TTC6: variants seen among roughly 807,000 people sequenced by gnomAD.
The protein encoded by TTC6 is tetratricopeptide repeat protein 6.
Under a neutral mutation model 210.4 loss-of-function variants are expected in TTC6, and 172 were observed. That is an observed-to-expected ratio of 0.82 (90% CI 0.72 to 0.93). The LOEUF is 0.93. TTC6 is among the 40% of genes least tolerant of loss of function. The pLI is 0.00. For synonymous variants in TTC6, 804 were observed against 819.6 expected, an observed-to-expected ratio of 0.98 and a Z score of 0.32; for missense variants, 2,414 against 2,318.1, an observed-to-expected ratio of 1.04 and a Z score of -0.85.
chr14:37,819,363 A>C (rs2096150202), intron 26 of TTC6, among the ~76,000 whole-genome samples: 1 of 152,244 alleles, frequency 6.6e-6, no homozygotes, highest in African/African-American at 2.4e-5. Flanking sequence ...CAGTAGGGAA[A>C]GTAAACATTT....
At chr14:37,779,925 A>G (rs1401009573) in intron 14 of TTC6, among the ~76,000 whole-genome samples, 1 of 152,192 alleles carries the variant, frequency 6.6e-6, no homozygotes, top group Non-Finnish European at 1.5e-5. Context: ...GTAGGTCTTT[A>G]TTATATTACA....
At chr14:37,787,626 A>G (rs1490777509) in exon 15 of TTC6, 1 of 1,474,152 alleles carries the variant, frequency 6.8e-7, no homozygotes, top group Admixed American at 2.1e-5. Flanking sequence ...CTACAGGATT[A>G]TAGTGTTTCA....
intron 1 of TTC6, among the ~76,000 whole-genome samples, chr14:37,596,760 ATCT>A (rs35237183): frequency 0.41 from 62,979 of 151,826 alleles, 13,668 homozygotes; most frequent in East Asian, 0.55. Context: ...AATCCGCAAA[ATCT>A]TCTTGTTTTG....
At chr14:37,811,375 C>G (rs1951643) in intron 24 of TTC6, among the ~76,000 whole-genome samples, 2,553 of 152,186 alleles carry the variant, frequency 0.017, 77 homozygotes, top group African/African-American at 0.058. Context: ...CCTATAGGAT[C>G]TTTAACTGCA....
chr14:37,672,556 A>C (rs947896336), intron 1 of TTC6, among the ~76,000 whole-genome samples: 1 of 152,210 alleles, frequency 6.6e-6, no homozygotes, highest in Non-Finnish European at 1.5e-5. Flanking sequence ...CTCACTCAAC[A>C]GTTGGTACAT....
At chr14:37,738,970 T>C (rs1365040965) in exon 10 of TTC6, 1 of 1,535,440 alleles carries the variant, frequency 6.5e-7, no homozygotes, top group East Asian at 2.4e-5. Flanking sequence ...ACATCTTTGA[T>C]AACATGTGCG....
intron 25 of TTC6, among the ~76,000 whole-genome samples, chr14:37,814,571 A>G (rs2096137227): frequency 6.6e-6 from 1 of 152,188 alleles, no homozygotes; most frequent in Non-Finnish European, 1.5e-5. Context: ...TAGTCAAAAT[A>G]CAACAATGAA....
chr14:37,637,512 G>T (rs1276152957), intron 1 of TTC6, among the ~76,000 whole-genome samples: 1 of 152,164 alleles, frequency 6.6e-6, no homozygotes, highest in Non-Finnish European at 1.5e-5. Flanking sequence ...GGTCATGCCT[G>T]TAGTCCCAGC....
intron 1 of TTC6, among the ~76,000 whole-genome samples, chr14:37,674,224 T>G (rs1482850420): frequency 2.6e-5 from 4 of 152,126 alleles, no homozygotes; most frequent in African/African-American, 9.6e-5. Flanking sequence ...TTTCTAAATT[T>G]CTGAATTTGG....
chr14:37,698,892 C>T (rs973986029), intron 4 of TTC6, among the ~76,000 whole-genome samples: 2 of 152,144 alleles, frequency 1.3e-5, no homozygotes, highest in African/African-American at 4.8e-5. Flanking sequence ...TTTTTATCCT[C>T]ATTTATCAGA....
intron 1 of TTC6, among the ~76,000 whole-genome samples, chr14:37,600,349 T>C (rs940592051): frequency 2.0e-5 from 3 of 152,174 alleles, no homozygotes; most frequent in African/African-American, 7.2e-5. Context: ...AGAGCAGTGA[T>C]GGAAGCCGAG....
At chr14:37,635,339 A>G (rs2095678136) in intron 1 of TTC6, among the ~76,000 whole-genome samples, 1 of 152,230 alleles carries the variant, frequency 6.6e-6, no homozygotes, top group African/African-American at 2.4e-5. Context: ...CTCAAAAAAC[A>G]GTATAGACAC....
At chr14:37,667,165 C>T (rs2095749776) in intron 1 of TTC6, among the ~76,000 whole-genome samples, 1 of 150,244 alleles carries the variant, frequency 6.7e-6, no homozygotes, top group Non-Finnish European at 1.5e-5. Context: ...GGCACTGTGC[C>T]TACCGAGTCT....
chr14:37,665,916 CACCAGA>C (rs1190643398), intron 1 of TTC6, among the ~76,000 whole-genome samples: 1 of 150,572 alleles, frequency 6.6e-6, no homozygotes, highest in African/African-American at 2.4e-5. Flanking sequence ...CTCATGCACA[CACCAGA>C]GCCTTGATTT....
intron 12 of TTC6, 75 bp from the exon 15 acceptor site, chr14:37,750,978 G>C: frequency 1.2e-6 from 1 of 866,418 alleles, no homozygotes; most frequent in Non-Finnish European, 1.6e-6. Flanking sequence ...TGTGGAGGGA[G>C]AGGGATTACT....
intron 16 of TTC6, among the ~76,000 whole-genome samples, chr14:37,791,654 G>A (rs946998657): frequency 3.9e-5 from 6 of 152,128 alleles, no homozygotes; most frequent in Admixed American, 2.6e-4. Context: ...CAGGAAGTAG[G>A]AACTTTGGTG....
At chr14:37,643,476 A>G (rs891957999) in intron 1 of TTC6, among the ~76,000 whole-genome samples, 5 of 152,180 alleles carry the variant, frequency 3.3e-5, no homozygotes, top group African/African-American at 4.8e-5. Flanking sequence ...GGAAGAGCCA[A>G]TGCTTTGGAT....
chr14:37,753,678 C>A (rs1218117207), intron 14 of TTC6, among the ~76,000 whole-genome samples: 1 of 152,108 alleles, frequency 6.6e-6, no homozygotes, highest in Non-Finnish European at 1.5e-5. Flanking sequence ...ATGCGATCCT[C>A]CCACCTCTTC....
At chr14:37,795,123 C>G (rs766044519) in intron 17 of TTC6, 147 bp from the exon 20 acceptor site, 31 of 459,798 alleles carry the variant, frequency 6.7e-5, no homozygotes, top group Non-Finnish European at 1.1e-4. Context: ...TTCTCTGTAT[C>G]CCATTTGCTT....
Sources: allele counts gnomAD v4.1 joint callset (sites outside exome capture counted in the v4.1 genomes callset), GRCh38; gene constraint gnomAD v4.1.1; transcripts MANE v1.5; gene names NCBI Gene and HGNC (gene_info 2026-07-23, HGNC 2026-07-21).